The following ATRNL1 variants were observed in gnomAD, a reference collection of about 807,000 sequenced individuals.
ATRNL1 encodes attractin-like protein 1.
ATRNL1 carries 95 observed loss-of-function variants against 182.7 expected under a neutral mutation model. That is an observed-to-expected ratio of 0.52 (90% CI 0.44 to 0.62). ATRNL1 has a LOEUF of 0.62. ATRNL1 is among the 20% of genes least tolerant of loss of function. The pLI is 0.00. For missense variants in ATRNL1, 1,471 were observed against 1,679.5 expected (o/e 0.88, Z 2.17); for synonymous variants, 576 against 568.3 (o/e 1.01, Z -0.19).
intron 10 of ATRNL1, among the ~76,000 whole-genome samples, chr10:115,251,452 C>T (rs1850873967): frequency 6.6e-6 from 1 of 152,074 alleles, no homozygotes; most frequent in Non-Finnish European, 1.5e-5. Context: ...ACCCAGTGGA[C>T]CCATTTTGAG....
At chr10:115,871,469 TTGTGTGTGTGTA>T (rs1300481123) in intron 28 of ATRNL1, among the ~76,000 whole-genome samples, 2,107 of 140,282 alleles carry the variant, frequency 0.015, 68 homozygotes, top group African/African-American at 0.032. Flanking sequence ...GTCAGATTCT[TTGTGTGTGTGTA>T]TATATATATA....
chr10:115,365,128 C>A (rs1352575668), intron 19 of ATRNL1, among the ~76,000 whole-genome samples: 4 of 151,472 alleles, frequency 2.6e-5, no homozygotes, highest in Non-Finnish European at 5.9e-5. Context: ...TGGTAGAATT[C>A]GGCTGTGAAT....
intron 28 of ATRNL1, 131 bp from the exon 29 acceptor site, chr10:115,944,527 A>C: frequency 1.5e-6 from 1 of 669,046 alleles, no homozygotes; most frequent in South Asian, 3.7e-5. Flanking sequence ...AAACTACTTG[A>C]AAACTTCCAT....
intron 25 of ATRNL1, among the ~76,000 whole-genome samples, chr10:115,533,094 G>C (rs1415939031): frequency 3.3e-5 from 5 of 152,156 alleles, no homozygotes; most frequent in South Asian, 2.1e-4. Context: ...GCCCGGCTTT[G>C]GTATCAGGAT....
At chr10:115,635,182 A>T in intron 26 of ATRNL1, among the ~76,000 whole-genome samples, 1 of 152,170 alleles carries the variant, frequency 6.6e-6, no homozygotes, top group East Asian at 1.9e-4. Context: ...GTCAAAGTAC[A>T]TTATTAAATT....
At chr10:115,106,979 T>TA (rs1844039159) in intron 1 of ATRNL1, among the ~76,000 whole-genome samples, 1 of 152,140 alleles carries the variant, frequency 6.6e-6, no homozygotes, top group Non-Finnish European at 1.5e-5. Context: ...AGAGGGTAAA[T>TA]AGAGGGTCAA....
intron 9 of ATRNL1, among the ~76,000 whole-genome samples, chr10:115,226,830 A>G (rs1849719433): frequency 6.6e-6 from 1 of 152,172 alleles, no homozygotes; most frequent in Admixed American, 6.5e-5. Context: ...CAATGAGGAA[A>G]GGACTCCCTA....
At chr10:115,713,163 GA>G (rs1947115771) in intron 26 of ATRNL1, among the ~76,000 whole-genome samples, 1 of 152,090 alleles carries the variant, frequency 6.6e-6, no homozygotes, top group Non-Finnish European at 1.5e-5. Flanking sequence ...GACAATCTAA[GA>G]CCACATGGTA....
chr10:115,534,224 A>C, intron 25 of ATRNL1, among the ~76,000 whole-genome samples: 1 of 150,680 alleles, frequency 6.6e-6, no homozygotes, highest in Non-Finnish European at 1.5e-5. Flanking sequence ...TCCCATTATT[A>C]TTGTGTGGGA....
rs192475572 is a variant in ATRNL1, at chr10:115,870,154, C to A, written c.4018+22163C>A. Among the ~76,000 whole-genome samples, 477 of 152,160 alleles carry A rather than the reference C, an allele frequency of 3.1e-3. 4 individuals carry two copies. The highest frequency in any genetic ancestry group is 0.011 in the African/African-American group (453 of 41,506). Reference sequence around the variant, plus strand: ...TAAATTGTTTTTCAGGAAAATTTTACCAACTTTTCTCAGCCAACTGAGGTA... The same window carrying A: ...TAAATTGTTTTTCAGGAAAATTTTAACAACTTTTCTCAGCCAACTGAGGTA... On this transcript the variant is annotated intron_variant, in intron 28 of 28. Coordinates refer to ENST00000355044, the MANE Select transcript of ATRNL1 (RefSeq NM_207303.4).
intron 28 of ATRNL1, among the ~76,000 whole-genome samples, chr10:115,932,173 A>G (rs1176585689): frequency 6.6e-6 from 1 of 152,214 alleles, no homozygotes; most frequent in Non-Finnish European, 1.5e-5. Context: ...ACTCAGTCAG[A>G]TTCTCAAAAT....
chr10:115,289,060 G>A (rs372174658), intron 15 of ATRNL1, among the ~76,000 whole-genome samples: 3 of 152,270 alleles, frequency 2.0e-5, no homozygotes, highest in East Asian at 1.9e-4. Flanking sequence ...ACATGGCTGG[G>A]GAGGCCTCAG....
chr10:115,583,155 A>G (rs1855246758), intron 26 of ATRNL1, among the ~76,000 whole-genome samples: 1 of 149,740 alleles, frequency 6.7e-6, no homozygotes, highest in South Asian at 2.2e-4. Context: ...GTATCCTGGT[A>G]GTATAGTTTG....
At chr10:115,360,457 C>G (rs73363481) in intron 19 of ATRNL1, among the ~76,000 whole-genome samples, 10,125 of 151,640 alleles carry the variant, frequency 0.067, 1,115 homozygotes, top group African/African-American at 0.23. Flanking sequence ...CCCTTAAATA[C>G]TTTAGTGCAT....
chr10:115,490,636 A>T (rs1849253475), intron 24 of ATRNL1, among the ~76,000 whole-genome samples: 1 of 151,930 alleles, frequency 6.6e-6, no homozygotes, highest in Non-Finnish European at 1.5e-5. Context: ...CCTTTTTTCA[A>T]GGTTCTTATC....
intron 3 of ATRNL1, among the ~76,000 whole-genome samples, chr10:115,126,127 G>A (rs1446937290): frequency 6.6e-6 from 1 of 151,736 alleles, no homozygotes; most frequent in Admixed American, 6.6e-5. Flanking sequence ...GTGTGATCTC[G>A]GCTCACTGCA....
At chr10:115,715,365 A>C (rs1464379959) in intron 26 of ATRNL1, among the ~76,000 whole-genome samples, 2 of 152,210 alleles carry the variant, frequency 1.3e-5, no homozygotes, top group Non-Finnish European at 2.9e-5. Context: ...CTTGCCACCC[A>C]GAGTAGACAT....
At chr10:115,116,800 G>A (rs1844506132) in intron 1 of ATRNL1, among the ~76,000 whole-genome samples, 3 of 152,024 alleles carry the variant, frequency 2.0e-5, no homozygotes, top group Admixed American at 1.3e-4. Context: ...GTAGTAAGTG[G>A]AGGAAAAGGT....
chr10:115,250,387 A>T (rs1245502734), intron 10 of ATRNL1, among the ~76,000 whole-genome samples: 2 of 152,144 alleles, frequency 1.3e-5, no homozygotes, highest in African/African-American at 4.8e-5. Flanking sequence ...TGATTCTTTC[A>T]CTGGGGCTTG....
Sources: gnomAD v4.1 joint callset for allele counts (sites outside exome capture counted in the v4.1 genomes callset) on GRCh38, gnomAD v4.1.1 for gene constraint, MANE v1.5 for transcripts, NCBI Gene and HGNC (gene_info 2026-07-23, HGNC 2026-07-21) for gene names.